MBD5: variants seen among roughly 807,000 people sequenced by gnomAD.
MBD5 encodes the protein methyl-CpG binding domain protein 5, also known as methyl-CpG-binding domain protein 5.
Under a neutral mutation model 117.3 loss-of-function variants are expected in MBD5, and 13 were observed. That is an observed-to-expected ratio of 0.11 (90% CI 0.07 to 0.18). MBD5 has a LOEUF of 0.18. MBD5 is among the 10% of genes least tolerant of loss of function. The probability of loss-of-function intolerance (pLI) is 1.00; values close to 1 mark genes in which losing one functional copy is unlikely to be tolerated. For synonymous variants in MBD5, 727 were observed against 766.4 expected (o/e 0.95, Z 0.85); for missense variants, 1,879 against 2,093.8 (o/e 0.90, Z 2.00).
At chr2:148,293,126 C>A (rs1701538751) in intron 3 of MBD5, among the ~76,000 whole-genome samples, 1 of 124,108 alleles carries the variant, frequency 8.1e-6, no homozygotes. Flanking sequence ...CCAGCCTGAG[C>A]AACGTAGTGA....
At chr2:148,229,891 T>G (rs907798668) in intron 2 of MBD5, among the ~76,000 whole-genome samples, 1 of 152,134 alleles carries the variant, frequency 6.6e-6, no homozygotes, top group Non-Finnish European at 1.5e-5. Flanking sequence ...CCCATCTCTG[T>G]CTCTGTCTCT....
chr2:148,097,128 G>A (rs1290779578), intron 1 of MBD5, among the ~76,000 whole-genome samples: 1 of 151,952 alleles, frequency 6.6e-6, no homozygotes, highest in Non-Finnish European at 1.5e-5. Flanking sequence ...TAACAGCAAA[G>A]GTATATGTTT....
At chr2:148,148,986 T>C (rs1165144389) in intron 1 of MBD5, among the ~76,000 whole-genome samples, 1 of 152,212 alleles carries the variant, frequency 6.6e-6, no homozygotes, top group Non-Finnish European at 1.5e-5. Context: ...ATGTGCACAT[T>C]GTGCAGGTTA....
intron 1 of MBD5, among the ~76,000 whole-genome samples, chr2:148,035,707 C>A (rs60373365): frequency 6.6e-6 from 1 of 152,130 alleles, no homozygotes; most frequent in East Asian, 1.9e-4. Context: ...GTTAAGAGCA[C>A]GGACCCTAGA....
At chr2:148,109,563 G>A (rs1696460162) in intron 1 of MBD5, among the ~76,000 whole-genome samples, 1 of 152,156 alleles carries the variant, frequency 6.6e-6, no homozygotes, top group East Asian at 1.9e-4. Context: ...GATTGCAAAT[G>A]AAAATATACA....
In MBD5 at chr2:148,173,124, C is replaced by T. The variant is rs955196782; in HGVS notation, c.-924-5576C>T. On this transcript the variant is annotated intron_variant, in intron 1 of 13. Coordinates refer to ENST00000642680, the MANE Select transcript of MBD5 (RefSeq NM_001378120.1). ...AGCAGTAACAAACAGGGCTAAAACA[C>T]GCCCCCCACTCACCACAATGCGGGC... is the stretch of plus-strand genomic sequence containing the variant. Among the ~76,000 whole-genome samples, 9 of 152,208 alleles carry T rather than the reference C, an allele frequency of 5.9e-5. No homozygotes were observed. The East Asian group carries it at 1.2e-3, about 20-fold the overall frequency.
At chr2:148,423,652 A>G (rs1282021987) in intron 4 of MBD5, among the ~76,000 whole-genome samples, 1 of 152,188 alleles carries the variant, frequency 6.6e-6, no homozygotes, top group African/African-American at 2.4e-5. Flanking sequence ...CTAATGGGCA[A>G]AATAACCAGC....
intron 1 of MBD5, among the ~76,000 whole-genome samples, chr2:148,111,592 A>T (rs1325588716): frequency 5.3e-5 from 8 of 152,184 alleles, no homozygotes; most frequent in Non-Finnish European, 1.5e-5. Flanking sequence ...CATTAAACAT[A>T]AATGTTAAAT....
chr2:148,454,592 GA>G (rs1355670012), intron 4 of MBD5, among the ~76,000 whole-genome samples: 1 of 152,078 alleles, frequency 6.6e-6, no homozygotes, highest in Non-Finnish European at 1.5e-5. Flanking sequence ...AACCCAGAAG[GA>G]TACAGACGAG....
Position 148,261,600 on chromosome 2 carries a change from C to T in MBD5, c.-680+28205C>T, listed in dbSNP as rs570873093. Among the ~76,000 whole-genome samples the T allele has an allele frequency of 3.3e-5, 5 of 152,300 alleles. No homozygotes were observed. In the East Asian group the frequency reaches 9.6e-4, roughly 29 times the overall value. The stretch of plus-strand genomic sequence containing the variant: ...GAAATGTGGCTGGTTTGATCTTCTC[C>T]CAAGACCACTAAAACTGTTTATCAG... On this transcript the variant is annotated intron_variant, in intron 3 of 13. Transcript: ENST00000642680.
intron 1 of MBD5, among the ~76,000 whole-genome samples, chr2:148,070,708 GC>G (rs2105075951): frequency 6.6e-6 from 1 of 152,230 alleles, no homozygotes; most frequent in Admixed American, 6.5e-5. Context: ...GAAAAGCCTG[GC>G]AACTTCTCTA....
intron 4 of MBD5, among the ~76,000 whole-genome samples, chr2:148,415,620 C>A (rs1257388735): frequency 6.6e-6 from 1 of 152,134 alleles, no homozygotes; most frequent in Admixed American, 6.5e-5. Flanking sequence ...TAGATTTGGT[C>A]TCTTTACACA....
chr2:148,372,569 G>A (rs1460187738), intron 4 of MBD5, among the ~76,000 whole-genome samples: 2 of 151,988 alleles, frequency 1.3e-5, no homozygotes. Flanking sequence ...TGGTTACACT[G>A]TGAGCCCTCA....
chr2:148,153,166 C>G (rs1697740244), intron 1 of MBD5, among the ~76,000 whole-genome samples: 1 of 151,104 alleles, frequency 6.6e-6, no homozygotes. Flanking sequence ...ATTTGCTTGT[C>G]TGTAAAGTAT....
chr2:148,243,243 A>T (rs1700257145), intron 3 of MBD5, among the ~76,000 whole-genome samples: 1 of 152,046 alleles, frequency 6.6e-6, no homozygotes, highest in Admixed American at 6.6e-5. Context: ...TCAGGACGTG[A>T]TTTCTTTTTT....
rs1417381269 is a variant in MBD5, at chr2:148,444,701, C to T, written c.-556-13502C>T. ...CCCTAGATGTCTCCTGCCCACCACA[C>T]CTACCAATTCTTGAAAACTAGATTA... On this transcript the variant is annotated intron_variant, in intron 4 of 13. Coordinates refer to ENST00000642680, the MANE Select transcript of MBD5 (RefSeq NM_001378120.1). 2.0e-5 allele frequency among the ~76,000 whole-genome samples: 3 copies of T among 151,098 alleles called. 1 individual carries two copies. The highest frequency in any genetic ancestry group is 7.4e-5 in the African/African-American group (3 of 40,492).
In MBD5 at chr2:148,405,331, C is replaced by T. The variant is rs753078980; in HGVS notation, c.-556-52872C>T. Among the ~76,000 whole-genome samples, 5 of 152,058 alleles carry T rather than the reference C, an allele frequency of 3.3e-5. No homozygotes were observed. The South Asian group carries it at 1.0e-3, about 32-fold the overall frequency. On this transcript the variant is annotated intron_variant, in intron 4 of 13. Coordinates refer to ENST00000642680, the MANE Select transcript of MBD5 (RefSeq NM_001378120.1). ...GGTGATATTTGAGCTAAAACAGTAA[C>T]GAGTACTACACGAGTGCTGAGAATA...
intron 4 of MBD5, among the ~76,000 whole-genome samples, chr2:148,359,246 G>A (rs1173886848): frequency 1.4e-5 from 2 of 142,492 alleles, no homozygotes; most frequent in Non-Finnish European, 3.0e-5. Context: ...CAGCCTTGAT[G>A]ACAGAGTAAG....
chr2:148,254,442 G>A (rs914728660), intron 3 of MBD5, among the ~76,000 whole-genome samples: 1 of 152,130 alleles, frequency 6.6e-6, no homozygotes, highest in Non-Finnish European at 1.5e-5. Flanking sequence ...ACAGTAACTT[G>A]TACTTCTACA....
Sources: allele counts gnomAD v4.1 joint callset (sites outside exome capture counted in the v4.1 genomes callset), GRCh38; gene constraint gnomAD v4.1.1; transcripts MANE v1.5; gene names NCBI Gene and HGNC (gene_info 2026-07-23, HGNC 2026-07-21).